Variants in CDH7 observed in about 807,000 individuals in gnomAD.
The protein encoded by CDH7 is cadherin 7.
CDH7 carries 25 observed loss-of-function variants against 71.8 expected under a neutral mutation model. The ratio of observed to expected loss-of-function variants is 0.35; its 90% confidence interval spans 0.25 to 0.49. The LOEUF is 0.49. CDH7 is among the 20% of genes least tolerant of loss of function. The pLI, the probability that CDH7 is intolerant of heterozygous loss-of-function variation, is 0.99. For missense variants in CDH7, 862 were observed against 974.6 expected (o/e 0.88, Z 1.54); for synonymous variants, 381 against 363.8 (o/e 1.05, Z -0.54).
At chr18:65,861,108 G>C (rs1014073462) in intron 10 of CDH7, among the ~76,000 whole-genome samples, 1 of 152,116 alleles carries the variant, frequency 6.6e-6, no homozygotes, top group Non-Finnish European at 1.5e-5. Flanking sequence ...TGTACAGCAC[G>C]TGCACTAAAA....
chr18:65,799,464 T>C (rs1434010264), intron 2 of CDH7, among the ~76,000 whole-genome samples: 1 of 151,892 alleles, frequency 6.6e-6, no homozygotes, highest in African/African-American at 2.4e-5. Flanking sequence ...GATCACGAGG[T>C]CAGGAGATCG....
upstream of CDH7, chr18:65,750,576 C>A (rs1415053157): frequency 6.6e-6 from 1 of 152,332 alleles, no homozygotes; most frequent in African/African-American, 2.4e-5. Flanking sequence ...CGCGAGGGTG[C>A]GCGCGTGTGT....
At chr18:65,821,567 A>C (rs886433759) in intron 4 of CDH7, among the ~76,000 whole-genome samples, 37 of 152,118 alleles carry the variant, frequency 2.4e-4, no homozygotes, top group African/African-American at 8.9e-4. Context: ...GAATGCCTAA[A>C]ATATAGATCT....
chr18:65,870,295 G>T (rs12606432), intron 11 of CDH7, among the ~76,000 whole-genome samples: 2 of 151,966 alleles, frequency 1.3e-5, no homozygotes, highest in African/African-American at 4.8e-5. Flanking sequence ...TTAGCCTTGT[G>T]TTACTGGGGA....
chr18:65,863,737 A>T (rs1369486707), intron 11 of CDH7: 1 of 152,226 alleles, frequency 6.6e-6, no homozygotes, highest in Non-Finnish European at 1.5e-5. Context: ...TAACACATTT[A>T]ATTGTACATT....
rs972155904 is a variant in CDH7, at chr18:65,886,860, T to C, written c.*5966T>C. Reference sequence around the variant, plus strand: ...ACAGCTCATCTTAATCTCTTACGAATGAAGAAACTCTAGGAAACTAAAAAA... The same window carrying C: ...ACAGCTCATCTTAATCTCTTACGAACGAAGAAACTCTAGGAAACTAAAAAA... On this transcript the variant is annotated 3_prime_UTR_variant, in exon 12 of 12. Coordinates refer to ENST00000397968, the MANE Select transcript of CDH7 (RefSeq NM_004361.5). 1 of 152,138 alleles carries C rather than the reference T, an allele frequency of 6.6e-6. No individual in the cohort carries two copies. Among genetic ancestry groups the C allele is most frequent in the African/African-American group, 2.4e-5 (1 of 41,438 alleles). The allele number at this position is 152,138 out of a possible 1,614,324, so 9.4% of individuals were successfully genotyped here.
At chr18:65,766,427 T>C (rs1338879422) in intron 2 of CDH7, among the ~76,000 whole-genome samples, 1 of 152,092 alleles carries the variant, frequency 6.6e-6, no homozygotes, top group African/African-American at 2.4e-5. Flanking sequence ...AAGACCAAAG[T>C]AGAACATTCT....
intron 6 of CDH7, among the ~76,000 whole-genome samples, chr18:65,834,387 G>A (rs988948693): frequency 6.6e-6 from 1 of 152,102 alleles, no homozygotes; most frequent in African/African-American, 2.4e-5. Flanking sequence ...CACATGCATG[G>A]CAATCAAAGA....
rs57594274 is a variant in CDH7 at position 65,811,966 on chromosome 18, C to CTTTTTTTTT, written c.505+1979_505+1987dup. 3.7e-3 allele frequency among the ~76,000 whole-genome samples: 357 copies of CTTTTTTTTT among 95,864 alleles called. 8 individuals carry two copies. Among genetic ancestry groups the CTTTTTTTTT allele is most frequent in the Middle Eastern group, 8.8e-3 (1 of 114 alleles). The allele number at this position is 95,864 out of a possible 152,430, so 62.9% of individuals were successfully genotyped here. ...ATCACAGTACCTTTTCTTTTCTTTT[C>CTTTTTTTTT]TTTTTTTTTTTTTTTTTTTGCGAGA... is the stretch of plus-strand genomic sequence containing the variant. On this transcript the variant is annotated intron_variant, in intron 3 of 11. Transcript: ENST00000397968.
In CDH7 at chr18:65,781,864, T is replaced by TTCTTTC. The variant is rs1568181719; in HGVS notation, c.210+18815_210+18816insTTCTCT. ...TTTCTTTCTTTCTTTCTTTCTTTCTTTCTCTCTCTCTCTCTGTCTCTCTCT... is the reference window on the plus strand; with the variant it reads ...TTTCTTTCTTTCTTTCTTTCTTTCTTTCTTTCTCTCTCTCTCTCTCTGTCTCTCTCT... On this transcript the variant is annotated intron_variant, in intron 2 of 11. Coordinates refer to ENST00000397968, the MANE Select transcript of CDH7 (RefSeq NM_004361.5). Among the ~76,000 whole-genome samples, 124 of 54,618 alleles carry TTCTTTC rather than the reference T, an allele frequency of 2.3e-3. 9 individuals are homozygous for TTCTTTC. The highest frequency in any genetic ancestry group is 3.3e-3 in the Admixed American group (22 of 6,762). The allele number at this position is 54,618 out of a possible 152,430, so 35.8% of individuals were successfully genotyped here.
chr18:65,887,944 T>C lies in CDH7; in HGVS notation c.*7050T>C, dbSNP rs1568239182. ...TACATTAAAAAGAAAACCACTTTTATAATATTTTTGCTTATGTAAGAGTCA... is the reference window on the plus strand; with the variant it reads ...TACATTAAAAAGAAAACCACTTTTACAATATTTTTGCTTATGTAAGAGTCA... On this transcript the variant is annotated 3_prime_UTR_variant, in exon 12 of 12. Coordinates refer to ENST00000397968, the MANE Select transcript of CDH7 (RefSeq NM_004361.5). The C allele has an allele frequency of 6.6e-6, 1 of 152,194 alleles. No homozygotes were observed. The highest frequency in any genetic ancestry group is 1.5e-5 in the Non-Finnish European group (1 of 68,034). The allele number at this position is 152,194 out of a possible 1,614,324, so 9.4% of individuals were successfully genotyped here. A position where few individuals can be genotyped will look rare whatever the true frequency, so the allele number is the denominator to read the frequency against.
At chr18:65,811,969 T>TTC (rs1262231690) in intron 3 of CDH7, among the ~76,000 whole-genome samples, 46 of 128,902 alleles carry the variant, frequency 3.6e-4, no homozygotes, top group South Asian at 1.3e-3. Context: ...TTCTTTTCTT[T>TTC]TTTTTTTTTT....
intron 11 of CDH7, among the ~76,000 whole-genome samples, chr18:65,872,117 A>G (rs549955771): frequency 6.6e-6 from 1 of 152,292 alleles, no homozygotes; most frequent in Middle Eastern, 3.4e-3. Flanking sequence ...ACTCGCTGCA[A>G]GCAGCTGCAT....
At chr18:65,752,671 G>A (rs1915918455) in intron 1 of CDH7, among the ~76,000 whole-genome samples, 1 of 152,190 alleles carries the variant, frequency 6.6e-6, no homozygotes, top group African/African-American at 2.4e-5. Flanking sequence ...TGGCAACTTT[G>A]TGGAAGTCTT....
chr18:65,778,921 C>G (rs914798852), intron 2 of CDH7, among the ~76,000 whole-genome samples: 6 of 152,116 alleles, frequency 3.9e-5, no homozygotes, highest in Non-Finnish European at 8.8e-5. Context: ...TCTCCAGAAA[C>G]TATTCACCTG....
chr18:65,787,806 A>C (rs975762953), intron 2 of CDH7, among the ~76,000 whole-genome samples: 1 of 152,224 alleles, frequency 6.6e-6, no homozygotes, highest in Non-Finnish European at 1.5e-5. Flanking sequence ...GAACATAGCT[A>C]CAATACTACA....
intron 2 of CDH7, among the ~76,000 whole-genome samples, chr18:65,763,590 GGGGGGTGT>G (rs1445908077): frequency 2.3e-5 from 2 of 86,086 alleles, no homozygotes; most frequent in East Asian, 6.3e-4. Context: ...TGTTTTGATA[GGGGGGTGT>G]GTGTGTGTGT....
chr18:65,827,628 G>C (rs1411524231), intron 6 of CDH7, among the ~76,000 whole-genome samples: 1 of 151,864 alleles, frequency 6.6e-6, no homozygotes, highest in Non-Finnish European at 1.5e-5. Context: ...TACTCTTAAA[G>C]GGGATTGCGC....
At chr18:65,827,301 A>G (rs373054663) in intron 6 of CDH7, among the ~76,000 whole-genome samples, 2 of 151,970 alleles carry the variant, frequency 1.3e-5, no homozygotes, top group East Asian at 3.9e-4. Context: ...TTAAGCACAC[A>G]CAATGTACAG....
Sources: gnomAD v4.1 joint callset for allele counts (sites outside exome capture counted in the v4.1 genomes callset) on GRCh38, gnomAD v4.1.1 for gene constraint, MANE v1.5 for transcripts, NCBI Gene and HGNC (gene_info 2026-07-23, HGNC 2026-07-21) for gene names.